The following FAT4 variants were observed in gnomAD, a reference collection of about 807,000 sequenced individuals.
FAT4 encodes protocadherin Fat 4.
A neutral mutation model predicts 303.9 loss-of-function variants in FAT4; 84 were observed. The observed-to-expected ratio is 0.28, with a 90% confidence interval of 0.23 to 0.33. The LOEUF is 0.33. Ranked by LOEUF, FAT4 falls within the 10% of genes least tolerant of loss-of-function variation. The pLI, the probability that FAT4 is intolerant of heterozygous loss-of-function variation, is 1.00. For missense variants in FAT4, 6,005 were observed against 6,146.8 expected (o/e 0.98, Z 0.77); for synonymous variants, 2,307 against 2,298.8 (o/e 1.00, Z -0.10).
chr4:125,381,057 T>A (rs766595117), intron 2 of FAT4, among the ~76,000 whole-genome samples: 3 of 152,118 alleles, frequency 2.0e-5, no homozygotes, highest in Non-Finnish European at 4.4e-5. Context: ...AGTCAAGTAG[T>A]TTCTCTAAGC....
At chr4:125,414,796 A>G in intron 5 of FAT4, 88 bp from the exon 6 acceptor site, 1 of 852,528 alleles carries the variant, frequency 1.2e-6, no homozygotes, top group South Asian at 1.7e-5. Context: ...CATATCAAAC[A>G]TGCCAAATTA....
At position 125,449,572 on chromosome 4, in the gene FAT4, G is replaced by T; in HGVS notation, c.8562G>T (p.Trp2854Cys). The T allele has an allele frequency of 6.2e-7, 1 of 1,613,526 alleles. No individual in the cohort carries two copies. The highest frequency in any genetic ancestry group is 1.1e-5 in the South Asian group (1 of 91,046). ...RIRVSAHDSG[W>C]TVSTDVTIFV... ...GAGTTTCCGCACATGATTCTGGGTG[G>T]ACTGTAAGTACAGATGTCACAATAT... The change falls in exon 10 of 18, where the codon TGG (tryptophan) becomes TGT (cysteine). Residue 2854 changes from tryptophan (W) to cysteine (C), a missense_variant. By Grantham distance (215) the Trp-to-Cys change is radical. Transcript: ENST00000394329.
intron 10 of FAT4, among the ~76,000 whole-genome samples, chr4:125,455,115 G>A (rs993012871): frequency 6.6e-6 from 1 of 152,008 alleles, no homozygotes; most frequent in Non-Finnish European, 1.5e-5. Flanking sequence ...TTACTTTATC[G>A]GCTGGGAATT....
At chr4:125,330,452 C>T (rs1275867720) in intron 2 of FAT4, among the ~76,000 whole-genome samples, 1 of 152,192 alleles carries the variant, frequency 6.6e-6, no homozygotes, top group African/African-American at 2.4e-5. Context: ...ATCAATTTCA[C>T]TGAGGAGCTC....
At chr4:125,351,892 C>G (rs1732239722) in intron 2 of FAT4, among the ~76,000 whole-genome samples, 1 of 151,538 alleles carries the variant, frequency 6.6e-6, no homozygotes, top group East Asian at 1.9e-4. Flanking sequence ...ACTTCCAACT[C>G]AGAACAAACT....
chr4:125,352,745 A>G lies in FAT4; in HGVS notation c.5175+31159A>G, dbSNP rs966297040. On this transcript the variant is annotated intron_variant, in intron 2 of 17. Transcript: ENST00000394329. ...AGCTGCCAGTCTTCTTTGTAGGGCT[A>G]GCACGCATACATTGCCCTTTTCTGA... Among the ~76,000 whole-genome samples, 6 of 151,160 alleles carry G rather than the reference A, an allele frequency of 4.0e-5. No homozygotes were observed. The South Asian group carries it at 1.2e-3, about 31-fold the overall frequency.
rs1209653232 is a variant in FAT4 at position 125,315,677 on chromosome 4, A to G, written c.-313A>G. On this transcript the variant is annotated 5_prime_UTR_variant, in exon 1 of 18. Coordinates refer to ENST00000394329, the MANE Select transcript of FAT4 (RefSeq NM_001291303.3). ...GGGCGGCGGCGGCGGCGGCTGCAGGAGGGGAAGGGGCAGAGTTGAGCGCTC... is the reference window on the plus strand; with the variant it reads ...GGGCGGCGGCGGCGGCGGCTGCAGGGGGGGAAGGGGCAGAGTTGAGCGCTC... Among the ~76,000 whole-genome samples the G allele has an allele frequency of 6.6e-6, 1 of 152,056 alleles. No individual in the cohort carries two copies. Among genetic ancestry groups the G allele is most frequent in the African/African-American group, 2.4e-5 (1 of 41,414 alleles).
intron 5 of FAT4, among the ~76,000 whole-genome samples, chr4:125,413,741 G>A (rs1212127679): frequency 2.0e-5 from 3 of 151,930 alleles, no homozygotes; most frequent in African/African-American, 7.2e-5. Flanking sequence ...ATAGAATAAT[G>A]AGAAAGAATT....
rs765837113 is a variant in FAT4 at position 125,316,774 on chromosome 4, G to A, written c.363G>A (p.Val121=). The change falls in exon 2 of 18, where the codon GTG becomes GTA. Residue 121 remains valine, a synonymous_variant. Transcript: ENST00000394329. The surrounding 1 kb of genome is among the most constrained non-coding windows in gnomAD (Gnocchi z 5.7). The part of the protein sequence containing the change: ...LSSAPTYPTE[V]RVLVRDLNDN... The stretch of plus-strand genomic sequence containing the variant: ...GCGCGCCCACCTACCCCACCGAAGT[G>A]CGAGTGCTGGTGCGGGACCTCAATG... 2 of 1,614,022 alleles carry A rather than the reference G, an allele frequency of 1.2e-6. No homozygotes were observed. The highest frequency in any genetic ancestry group is 3.3e-5 in the Admixed American group (2 of 60,008).
At chr4:125,463,971 A>G (rs2126071893) in intron 11 of FAT4, among the ~76,000 whole-genome samples, 1 of 152,282 alleles carries the variant, frequency 6.6e-6, no homozygotes, top group East Asian at 1.9e-4. Context: ...ATGAAATAAA[A>G]AAATTCTGTA....
chr4:125,400,997 C>T (rs142781196), intron 3 of FAT4, among the ~76,000 whole-genome samples: 5 of 151,792 alleles, frequency 3.3e-5, no homozygotes, highest in East Asian at 1.9e-4. Context: ...TCTTATAACT[C>T]GATTTGTTTG....
At chr4:125,442,997 A>G (rs1725709459) in intron 8 of FAT4, among the ~76,000 whole-genome samples, 1 of 152,134 alleles carries the variant, frequency 6.6e-6, no homozygotes, top group Admixed American at 6.5e-5. Flanking sequence ...AAGAAGGCTT[A>G]AAAATGTTAA....
At chr4:125,336,556 C>A (rs1379113153) in intron 2 of FAT4, among the ~76,000 whole-genome samples, 1 of 151,822 alleles carries the variant, frequency 6.6e-6, no homozygotes, top group Non-Finnish European at 1.5e-5. Context: ...CTCTAAAAGA[C>A]CTTTCTTTCA....
At chr4:125,337,689 C>G (rs1207704918) in intron 2 of FAT4, among the ~76,000 whole-genome samples, 3 of 151,954 alleles carry the variant, frequency 2.0e-5, no homozygotes, top group African/African-American at 7.2e-5. Context: ...ATGGAGGTTG[C>G]TTTAAGGATT....
At chr4:125,459,212 G>T (rs10518466) in intron 10 of FAT4, among the ~76,000 whole-genome samples, 1 of 151,672 alleles carries the variant, frequency 6.6e-6, no homozygotes, top group Non-Finnish European at 1.5e-5. Context: ...AAAAATTATC[G>T]TATCTTCATG....
intron 2 of FAT4, among the ~76,000 whole-genome samples, chr4:125,380,694 GA>G (rs2125998513): frequency 6.6e-6 from 1 of 152,272 alleles, no homozygotes; most frequent in South Asian, 2.1e-4. Context: ...AATGTAAGCA[GA>G]CTGCGAGAAT....
chr4:125,353,977 T>A (rs1732332324), intron 2 of FAT4, among the ~76,000 whole-genome samples: 1 of 151,768 alleles, frequency 6.6e-6, no homozygotes, highest in Non-Finnish European at 1.5e-5. Flanking sequence ...AGTAGACAGA[T>A]GTTTATGCTG....
At chr4:125,420,484 TTA>T (rs1735246313) in intron 7 of FAT4, among the ~76,000 whole-genome samples, 1 of 152,206 alleles carries the variant, frequency 6.6e-6, no homozygotes, top group Non-Finnish European at 1.5e-5. Flanking sequence ...TAGTTTATTG[TTA>T]TATATTCATT....
chr4:125,490,757 C>T lies in FAT4; in HGVS notation c.13941C>T (p.His4647=), dbSNP rs1195396838. The part of the protein sequence containing the change: ...IIQHYKQFRS[H]TPKFSIQRHS... ...AACACTACAAGCAGTTCCGCAGCCA[C>T]ACACCAAAATTTTCAATCCAGAGGC... The change falls in exon 18 of 18, where the codon CAC becomes CAT. Residue 4647 remains histidine, a synonymous_variant. Coordinates refer to ENST00000394329, the MANE Select transcript of FAT4 (RefSeq NM_001291303.3). 5 of 1,613,986 alleles carry T rather than the reference C, an allele frequency of 3.1e-6. No individual in the cohort carries two copies. The Admixed American group carries it at 6.7e-5, about 22-fold the overall frequency.
Sources: allele counts gnomAD v4.1 joint callset (sites outside exome capture counted in the v4.1 genomes callset), GRCh38; gene constraint gnomAD v4.1.1; non-coding constraint Gnocchi (gnomAD v3.1); transcripts MANE v1.5; gene names NCBI Gene and HGNC (gene_info 2026-07-23, HGNC 2026-07-21).